The following KDM4C variants were observed in gnomAD, a reference collection of about 807,000 sequenced individuals.
The protein encoded by KDM4C is lysine-specific demethylase 4C.
A neutral mutation model predicts 129.3 loss-of-function variants in KDM4C; 81 were observed. That is an observed-to-expected ratio of 0.63 (90% CI 0.52 to 0.75). The LOEUF (loss-of-function observed/expected upper bound fraction) is 0.75, where lower values mean the gene tolerates loss of function less well. Among genes scored for constraint, KDM4C ranks in the 30% least tolerant of loss-of-function variants. KDM4C has a pLI of 0.00. For synonymous variants in KDM4C, 573 were observed against 456.1 expected (o/e 1.26, Z -3.26); for missense variants, 1,457 against 1,304.0 (o/e 1.12, Z -1.81).
chr9:7,139,092 C>G (rs1357198481), intron 19 of KDM4C, among the ~76,000 whole-genome samples: 1 of 151,736 alleles, frequency 6.6e-6, no homozygotes, highest in Non-Finnish European at 1.5e-5. Flanking sequence ...GGCAACATGG[C>G]AAAAACCCAT....
At chr9:7,174,520 GC>G (rs759110244) in intron 21 of KDM4C, 32 bp from the exon 22 acceptor site, 1 of 1,604,954 alleles carries the variant, frequency 6.2e-7, no homozygotes, top group Non-Finnish European at 8.5e-7. Flanking sequence ...CAAATGCCGT[GC>G]CCTTTTGCAA....
At chr9:6,853,614 G>C (rs1349375286) in intron 5 of KDM4C, among the ~76,000 whole-genome samples, 1 of 152,212 alleles carries the variant, frequency 6.6e-6, no homozygotes, top group Non-Finnish European at 1.5e-5. Context: ...CAGGTTTGCG[G>C]AGTAAGTGTT....
intron 4 of KDM4C, among the ~76,000 whole-genome samples, chr9:6,836,029 C>G (rs1393065072): frequency 6.6e-6 from 1 of 152,076 alleles, no homozygotes; most frequent in Non-Finnish European, 1.5e-5. Context: ...GAATGATCAG[C>G]CTTCGTGGCC....
In KDM4C at chr9:6,775,232, G is replaced by A. The variant is rs552939196; in HGVS notation, c.-18+17029G>A. Among the ~76,000 whole-genome samples, 4 of 152,140 alleles carry A rather than the reference G, an allele frequency of 2.6e-5. No homozygotes were observed. The South Asian group carries it at 8.3e-4, about 32-fold the overall frequency. ...GGGTTTCACCATGTTGGCCAGGCTG[G>A]TCTTGAACTCCTCACCTCAAGTGAT... is the stretch of plus-strand genomic sequence containing the variant. On this transcript the variant is annotated intron_variant, in intron 1 of 21. Coordinates refer to ENST00000381309, the MANE Select transcript of KDM4C (RefSeq NM_015061.6).
chr9:7,015,923 G>A lies in KDM4C; in HGVS notation c.2253G>A (p.Trp751Ter). Residue 751 changes from tryptophan to a stop codon, truncating the protein, a stop_gained, in exon 15 of 22, where the codon TGG becomes TGA. Transcript: ENST00000381309. LOFTEE classifies it high-confidence loss of function. ...WLCARCKRNA[W>*]TAECCLCNLR... ...GTGCCCGGTGCAAAAGAAATGCGTGGACAGCAGTAAGTAGCTTATTTTAGT... is the reference window on the plus strand; with the variant it reads ...GTGCCCGGTGCAAAAGAAATGCGTGAACAGCAGTAAGTAGCTTATTTTAGT... 6.2e-7 allele frequency: 1 copy of A among 1,610,658 alleles called. No homozygotes were observed. Among genetic ancestry groups the A allele is most frequent in the Non-Finnish European group, 8.5e-7 (1 of 1,177,234 alleles).
intron 18 of KDM4C, among the ~76,000 whole-genome samples, chr9:7,109,717 A>T (rs1232088402): frequency 1.3e-5 from 2 of 152,070 alleles, no homozygotes; most frequent in Admixed American, 1.3e-4. Flanking sequence ...GTACCAGTTG[A>T]CCAAAATTTT....
chr9:7,138,501 G>A (rs1010310345), intron 19 of KDM4C, among the ~76,000 whole-genome samples: 8 of 152,110 alleles, frequency 5.3e-5, no homozygotes, highest in African/African-American at 1.9e-4. Flanking sequence ...ATTAAAGCTG[G>A]TGTGATCTGT....
At chr9:6,804,733 G>A (rs1459702187) in intron 2 of KDM4C, among the ~76,000 whole-genome samples, 4 of 147,238 alleles carry the variant, frequency 2.7e-5, no homozygotes, top group East Asian at 4.0e-4. Flanking sequence ...CTCCCCAGCC[G>A]AGTAACAGAG....
rs563586937 is a variant in KDM4C at position 7,094,588 on chromosome 9, A to G, written c.2425-9097A>G. The stretch of plus-strand genomic sequence containing the variant: ...GGTGGTGGTTGGGGGCTACAGGAGA[A>G]GGGATGGGCTCTGGACTGGACAGCC... On this transcript the variant is annotated intron_variant, in intron 17 of 21. Transcript: ENST00000381309. 3.3e-5 allele frequency among the ~76,000 whole-genome samples: 5 copies of G among 152,264 alleles called. No homozygotes were observed. In the East Asian group the frequency reaches 7.7e-4, roughly 24 times the overall value.
At chr9:6,939,733 G>A (rs1825498669) in intron 8 of KDM4C, among the ~76,000 whole-genome samples, 1 of 152,188 alleles carries the variant, frequency 6.6e-6, no homozygotes, top group Non-Finnish European at 1.5e-5. Context: ...AGGGTTCCTT[G>A]TTTTAAAAGT....
chr9:7,128,510 A>G (rs1377834677), intron 19 of KDM4C, among the ~76,000 whole-genome samples: 1 of 152,188 alleles, frequency 6.6e-6, no homozygotes, highest in Non-Finnish European at 1.5e-5. Context: ...CACATTGGCA[A>G]CACCTGAATT....
intron 4 of KDM4C, among the ~76,000 whole-genome samples, chr9:6,826,785 T>G (rs1303884316): frequency 6.6e-6 from 1 of 151,700 alleles, no homozygotes; most frequent in African/African-American, 2.4e-5. Context: ...GAGAATCGCT[T>G]GAACCTGGGA....
At chr9:6,888,206 TTATC>T (rs1197957338) in intron 7 of KDM4C, 143 bp downstream of exon 7, 3 of 412,006 alleles carry the variant, frequency 7.3e-6, no homozygotes, top group East Asian at 4.0e-5. Context: ...TATCAATTAT[TTATC>T]TAAATCCTAA....
chr9:6,854,238 GA>G (rs1839352561), intron 5 of KDM4C, among the ~76,000 whole-genome samples: 2 of 151,994 alleles, frequency 1.3e-5, no homozygotes, highest in Non-Finnish European at 2.9e-5. Context: ...AAATGAATAA[GA>G]AACTTTCGAC....
chr9:7,083,310 G>A (rs1255035544), intron 17 of KDM4C, among the ~76,000 whole-genome samples: 3 of 152,202 alleles, frequency 2.0e-5, no homozygotes, highest in Admixed American at 6.5e-5. Flanking sequence ...TGAGTGTTTT[G>A]TTGGCATTCA....
At chr9:7,004,411 C>G (rs1725416472) in intron 12 of KDM4C, among the ~76,000 whole-genome samples, 1 of 152,158 alleles carries the variant, frequency 6.6e-6, no homozygotes, top group Non-Finnish European at 1.5e-5. Flanking sequence ...TTATTCCAGA[C>G]ATTTAACCTT....
intron 15 of KDM4C, among the ~76,000 whole-genome samples, chr9:7,025,886 C>T (rs1825727132): frequency 6.6e-6 from 1 of 152,116 alleles, no homozygotes; most frequent in East Asian, 1.9e-4. Flanking sequence ...TCTTATTACT[C>T]ATCAACTTCC....
At chr9:6,947,201 C>T (rs989526355) in intron 8 of KDM4C, among the ~76,000 whole-genome samples, 2 of 152,096 alleles carry the variant, frequency 1.3e-5, no homozygotes, top group South Asian at 2.1e-4. Context: ...TTTCTACAAC[C>T]GTACTTCTGT....
chr9:6,941,351 A>G (rs1223776851), intron 8 of KDM4C, among the ~76,000 whole-genome samples: 2 of 152,024 alleles, frequency 1.3e-5, no homozygotes, highest in African/African-American at 4.8e-5. Context: ...GTCTGTTTAC[A>G]TTTGCCCACT....
Sources: allele counts gnomAD v4.1 joint callset (sites outside exome capture counted in the v4.1 genomes callset), GRCh38; gene constraint gnomAD v4.1.1; transcripts MANE v1.5; gene names NCBI Gene and HGNC (gene_info 2026-07-23, HGNC 2026-07-21).